The following CABP1 variants were observed in gnomAD, a reference collection of about 807,000 sequenced individuals.
CABP1 encodes the protein calcium-binding protein 1.
Under a neutral mutation model 34.3 loss-of-function variants are expected in CABP1, and 17 were observed. That is an observed-to-expected ratio of 0.50 (90% CI 0.34 to 0.74). The LOEUF (loss-of-function observed/expected upper bound fraction) is 0.74, where lower values mean the gene tolerates loss of function less well. CABP1 is among the 30% of genes least tolerant of loss of function. The pLI is 0.01. For synonymous variants in CABP1, 198 were observed against 229.2 expected (o/e 0.86, Z 1.23); for missense variants, 373 against 511.1 (o/e 0.73, Z 2.61).
chr12:120,651,560 A>G (rs951531596), intron 1 of CABP1, among the ~76,000 whole-genome samples: 1 of 152,134 alleles, frequency 6.6e-6, no homozygotes, highest in South Asian at 2.1e-4. Context: ...TTTTCCTCCA[A>G]TTCTTCCATT....
chr12:120,667,116 G>A lies in CABP1; in HGVS notation c.*216G>A. ...GAAAGCGGGGGCGCCCGCCGACGAG[G>A]AGGCCACCGTGCCAAGCCGGCAGAG... On this transcript the variant is annotated 3_prime_UTR_variant, in exon 6 of 6. Transcript: ENST00000316803. 1 of 605,308 alleles carries A rather than the reference G, an allele frequency of 1.7e-6. No individual in the cohort carries two copies. The highest frequency in any genetic ancestry group is 2.9e-6 in the Non-Finnish European group (1 of 343,584). 37.5% of individuals were successfully genotyped at this position (605,308 alleles called of 1,614,324 possible). A position where few individuals can be genotyped will look rare whatever the true frequency, so the allele number is the denominator to read the frequency against.
the CABP1 span, among the ~76,000 whole-genome samples, chr12:120,680,144 A>G: frequency 1.3e-4 from 20 of 152,148 alleles, no homozygotes; most frequent in African/African-American, 4.8e-4. Context: ...CTGCACTCCA[A>G]CCTGGGCAAC....
chr12:120,656,633 C>T (rs1021547304), intron 1 of CABP1, among the ~76,000 whole-genome samples: 1 of 152,138 alleles, frequency 6.6e-6, no homozygotes, highest in African/African-American at 2.4e-5. Flanking sequence ...CAGCGGCTCA[C>T]GCCTGTAATC....
chr12:120,666,517 G>C (rs1386625052), intron 5 of CABP1, among the ~76,000 whole-genome samples: 1 of 150,586 alleles, frequency 6.6e-6, no homozygotes, highest in Non-Finnish European at 1.5e-5. Context: ...GAGAGAGAGA[G>C]TGCGCCAGCT....
intron 1 of CABP1, chr12:120,655,434 C>G: frequency 3.0e-6 from 2 of 656,092 alleles, no homozygotes; most frequent in Non-Finnish European, 3.9e-6. Context: ...TAGCCACACA[C>G]GAAAAAGGAG....
At position 120,667,015 on chromosome 12, in the gene CABP1, C is replaced by A; in HGVS notation, c.*115C>A. ...GCCCAGGATGTACTGGCGGATGGGGCCTGCCTGCACCCCGGGGAGGCGCCC... is the reference window on the plus strand; with the variant it reads ...GCCCAGGATGTACTGGCGGATGGGGACTGCCTGCACCCCGGGGAGGCGCCC... On this transcript the variant is annotated 3_prime_UTR_variant, in exon 6 of 6. Coordinates refer to ENST00000316803, the MANE Select transcript of CABP1 (RefSeq NM_001033677.2). 2 of 1,303,826 alleles carry A rather than the reference C, an allele frequency of 1.5e-6. No individual in the cohort carries two copies. Among genetic ancestry groups the A allele is most frequent in the Non-Finnish European group, 2.1e-6 (2 of 936,690 alleles). 80.8% of individuals were successfully genotyped at this position (1,303,826 alleles called of 1,614,324 possible).
At chr12:120,677,390 CTTTTTTTT>C in the CABP1 span, among the ~76,000 whole-genome samples, 3 of 76,792 alleles carry the variant, frequency 3.9e-5, no homozygotes, top group East Asian at 1.0e-3. Flanking sequence ...GCCCAGCCTT[CTTTTTTTT>C]TTTTTTTTTT....
At chr12:120,655,648 A>C in intron 1 of CABP1, 11 of 1,398,104 alleles carry the variant, frequency 7.9e-6, no homozygotes, top group Non-Finnish European at 9.3e-6. Context: ...GCTGGGAGGA[A>C]TGACTTAGCC....
chr12:120,678,162 C>T, the CABP1 span, among the ~76,000 whole-genome samples: 1 of 152,168 alleles, frequency 6.6e-6, no homozygotes, highest in African/African-American at 2.4e-5. Context: ...CCCACCCCTG[C>T]CTTGTGTTTG....
chr12:120,643,164 C>T (rs1211797353), intron 1 of CABP1, among the ~76,000 whole-genome samples: 1 of 152,232 alleles, frequency 6.6e-6, no homozygotes, highest in East Asian at 1.9e-4. Flanking sequence ...CCAGGGTCAC[C>T]TGAGTCAGGA....
intron 5 of CABP1, among the ~76,000 whole-genome samples, chr12:120,663,344 G>A (rs988547536): frequency 2.6e-5 from 4 of 151,780 alleles, no homozygotes; most frequent in Non-Finnish European, 2.9e-5. Flanking sequence ...GCGTAATCTC[G>A]GCTCACTGCA....
chr12:120,665,851 C>T (rs551090229), intron 5 of CABP1, among the ~76,000 whole-genome samples: 52 of 151,874 alleles, frequency 3.4e-4, no homozygotes, highest in African/African-American at 1.2e-3. Flanking sequence ...GAAACCCCAT[C>T]TCTATAAAAA....
In CABP1 at chr12:120,661,310, C is replaced by A; in HGVS notation, c.1087+92C>A. The A allele has an allele frequency of 6.8e-7, 1 of 1,468,942 alleles. No homozygotes were observed. Among genetic ancestry groups the A allele is most frequent in the Non-Finnish European group, 9.1e-7 (1 of 1,095,304 alleles). The allele number at this position is 1,468,942 out of a possible 1,614,324, so 91.0% of individuals were successfully genotyped here. A position where few individuals can be genotyped will look rare whatever the true frequency, so the allele number is the denominator to read the frequency against. ...TGTATCCATCATGCAACCATCAATC[C>A]GCCCTAATTTTCCAACCCCCAGCCC... On this transcript the variant is annotated intron_variant, in intron 5 of 5. Coordinates refer to ENST00000316803, the MANE Select transcript of CABP1 (RefSeq NM_001033677.2). This position sits in a 1 kb window ranked among gnomAD's most constrained non-coding sequence, Gnocchi z 5.1.
chr12:120,665,356 G>A (rs919640045), intron 5 of CABP1, among the ~76,000 whole-genome samples: 2 of 152,046 alleles, frequency 1.3e-5, no homozygotes, highest in African/African-American at 2.4e-5. Flanking sequence ...AGCCCGGGAG[G>A]TCAAGGCTGC....
chr12:120,648,932 C>T (rs930350507), intron 1 of CABP1, among the ~76,000 whole-genome samples: 24 of 151,978 alleles, frequency 1.6e-4, no homozygotes, highest in South Asian at 4.2e-4. Flanking sequence ...CAGACCTCCC[C>T]GTCCTTCCCA....
In CABP1 at chr12:120,661,044, CCT is replaced by C. The variant is rs1437374868; in HGVS notation, c.940-23_940-22del. On this transcript the variant is annotated intron_variant, in intron 4 of 5. Transcript: ENST00000316803. This position sits in a 1 kb window ranked among gnomAD's most constrained non-coding sequence, Gnocchi z 5.1. ...GCTGCCAATCGCCATGCTGGGGCGA[CCT>C]CTCCTTCCTTCCTGCCTTCTCTAGT... 1 of 1,605,736 alleles carries C rather than the reference CCT, an allele frequency of 6.2e-7. No individual in the cohort carries two copies. Among genetic ancestry groups the C allele is most frequent in the East Asian group, 2.2e-5 (1 of 44,820 alleles).
chr12:120,650,576 C>A, intron 1 of CABP1: 1 of 1,612,350 alleles, frequency 6.2e-7, no homozygotes, highest in South Asian at 1.1e-5. Context: ...GGAAGTCCCT[C>A]AGTCCCCCAG....
At chr12:120,643,478 T>C (rs1411641479) in intron 1 of CABP1, among the ~76,000 whole-genome samples, 2 of 152,254 alleles carry the variant, frequency 1.3e-5, no homozygotes, top group Non-Finnish European at 2.9e-5. Context: ...AACTTTTAGT[T>C]AAGATCTGCT....
intron 5 of CABP1, among the ~76,000 whole-genome samples, chr12:120,664,357 T>C (rs1880836234): frequency 6.6e-6 from 1 of 152,086 alleles, no homozygotes; most frequent in South Asian, 2.1e-4. Context: ...TTATAAATAA[T>C]TAGAGCCCCC....
Sources: gnomAD v4.1 joint callset for allele counts (sites outside exome capture counted in the v4.1 genomes callset) on GRCh38, gnomAD v4.1.1 for gene constraint, Gnocchi (gnomAD v3.1) non-coding constraint, MANE v1.5 for transcripts, NCBI Gene and HGNC (gene_info 2026-07-23, HGNC 2026-07-21) for gene names.